The following MYO3B variants were observed in gnomAD, a reference collection of about 807,000 sequenced individuals.
MYO3B encodes myosin IIIB.
A neutral mutation model predicts 174.6 loss-of-function variants in MYO3B; 156 were observed. The ratio of observed to expected loss-of-function variants is 0.89; its 90% CI spans 0.78 to 1.02. The LOEUF (loss-of-function observed/expected upper bound fraction) is 1.02. MYO3B is among the 50% of genes least tolerant of loss of function. The pLI is 0.00. For missense variants in MYO3B, 1,632 were observed against 1,639.4 expected (o/e 1.00, Z 0.08); for synonymous variants, 563 against 569.1 (o/e 0.99, Z 0.15).
At chr2:170,291,348 T>C (rs539147262) in intron 7 of MYO3B, among the ~76,000 whole-genome samples, 2 of 152,216 alleles carry the variant, frequency 1.3e-5, no homozygotes, top group African/African-American at 2.4e-5. Context: ...TTTAGTTGTC[T>C]CAGTTTACAT....
chr2:170,390,243 A>G (rs2094402650), intron 14 of MYO3B, among the ~76,000 whole-genome samples: 1 of 152,200 alleles, frequency 6.6e-6, no homozygotes. Flanking sequence ...AGCCTGTGCA[A>G]CATAGTGAGA....
chr2:170,590,460 A>G (rs764697061), intron 32 of MYO3B, among the ~76,000 whole-genome samples: 5 of 152,048 alleles, frequency 3.3e-5, no homozygotes, highest in African/African-American at 4.8e-5. Flanking sequence ...CTACATTAAC[A>G]TATTTTTTTA....
At chr2:170,559,247 A>C (rs1185792399) in intron 32 of MYO3B, among the ~76,000 whole-genome samples, 4 of 152,202 alleles carry the variant, frequency 2.6e-5, no homozygotes, top group African/African-American at 9.6e-5. Context: ...GCTATTCTTA[A>C]GGGCTCATTG....
intron 7 of MYO3B, among the ~76,000 whole-genome samples, chr2:170,318,373 C>G (rs1033800578): frequency 2.6e-5 from 4 of 152,202 alleles, no homozygotes; most frequent in Non-Finnish European, 5.9e-5. Flanking sequence ...ATTCCACTGA[C>G]ACACTGATTT....
At chr2:170,298,238 T>A (rs1574739947) in intron 7 of MYO3B, among the ~76,000 whole-genome samples, 1 of 152,234 alleles carries the variant, frequency 6.6e-6, no homozygotes, top group Admixed American at 6.5e-5. Context: ...ATGGCAGGAA[T>A]GGGGAGGAGA....
chr2:170,327,716 A>T (rs1466225878), intron 7 of MYO3B, among the ~76,000 whole-genome samples: 1 of 152,002 alleles, frequency 6.6e-6, no homozygotes, highest in Non-Finnish European at 1.5e-5. Context: ...AACCTGGACG[A>T]ATCTTTCACA....
chr2:170,557,328 A>T (rs1290973643), intron 32 of MYO3B, among the ~76,000 whole-genome samples: 1 of 151,500 alleles, frequency 6.6e-6, no homozygotes, highest in African/African-American at 2.4e-5. Flanking sequence ...TTTAGTAGAG[A>T]TGGGGTTTCA....
At chr2:170,256,652 C>G (rs1272317853) in intron 7 of MYO3B, among the ~76,000 whole-genome samples, 2 of 152,098 alleles carry the variant, frequency 1.3e-5, no homozygotes, top group African/African-American at 4.8e-5. Flanking sequence ...CCCACAGACT[C>G]TATAAAGCAA....
At chr2:170,624,190 T>G (rs1170842478) in intron 32 of MYO3B, among the ~76,000 whole-genome samples, 2 of 152,236 alleles carry the variant, frequency 1.3e-5, no homozygotes. Flanking sequence ...CAATATTGAT[T>G]CTTCCTATCC....
At chr2:170,461,775 T>A (rs1375967347) in intron 23 of MYO3B, among the ~76,000 whole-genome samples, 1 of 144,872 alleles carries the variant, frequency 6.9e-6, no homozygotes, top group African/African-American at 2.5e-5. Context: ...AAACTCCGTT[T>A]AAAAAAAAAA....
intron 16 of MYO3B, among the ~76,000 whole-genome samples, chr2:170,396,915 C>T (rs1032366446): frequency 2.6e-5 from 4 of 152,038 alleles, no homozygotes; most frequent in African/African-American, 9.7e-5. Flanking sequence ...TTTCAGATAA[C>T]CTCGATATAG....
intron 8 of MYO3B, among the ~76,000 whole-genome samples, chr2:170,349,299 G>A (rs918741263): frequency 6.6e-6 from 1 of 152,080 alleles, no homozygotes; most frequent in Admixed American, 6.6e-5. Context: ...GGGGAGAGAG[G>A]GAGCATGTCA....
chr2:170,254,640 T>C (rs1328292908), intron 7 of MYO3B, among the ~76,000 whole-genome samples: 1 of 152,166 alleles, frequency 6.6e-6, no homozygotes. Context: ...CCACAGGCCT[T>C]GTCCCAACTT....
Position 170,466,630 on chromosome 2 carries a change from G to A in MYO3B, c.2933G>A (p.Arg978His), listed in dbSNP as rs754840127. Residue 978 changes from arginine (R) to histidine (H), a missense_variant, in exon 25 of 35, where the codon CGC becomes CAC. Transcript: ENST00000408978. ...FSRERVLAQL[R>H]STGILETVSI... ...CGAGAGAGGGTGCTGGCCCAGCTCCGCTCCACAGGGATTCTGGAGACAGTC... is the reference window on the plus strand; with the variant it reads ...CGAGAGAGGGTGCTGGCCCAGCTCCACTCCACAGGGATTCTGGAGACAGTC... 1.7e-5 allele frequency: 27 copies of A among 1,614,066 alleles called. No individual in the cohort carries two copies. In the Middle Eastern group the frequency reaches 4.9e-4, roughly 29 times the overall value.
intron 7 of MYO3B, among the ~76,000 whole-genome samples, chr2:170,316,842 C>A (rs933708173): frequency 6.6e-6 from 1 of 152,130 alleles, no homozygotes; most frequent in Non-Finnish European, 1.5e-5. Context: ...CATCTGTTTG[C>A]GAGAATGGTG....
intron 9 of MYO3B, among the ~76,000 whole-genome samples, chr2:170,371,246 AC>A: frequency 1.3e-5 from 2 of 148,824 alleles, no homozygotes; most frequent in South Asian, 4.3e-4. Flanking sequence ...AAAAACCAAA[AC>A]CTTTCTTCTT....
At chr2:170,627,349 C>T (rs972279132) in intron 32 of MYO3B, among the ~76,000 whole-genome samples, 4 of 152,222 alleles carry the variant, frequency 2.6e-5, no homozygotes, top group Admixed American at 6.6e-5. Context: ...GAATCGGCTA[C>T]TGAAGCTTGT....
intron 16 of MYO3B, among the ~76,000 whole-genome samples, chr2:170,394,846 A>C (rs1210757276): frequency 6.6e-6 from 1 of 152,226 alleles, no homozygotes; most frequent in Non-Finnish European, 1.5e-5. Context: ...GACTAAATTC[A>C]GAAAGATCCA....
chr2:170,381,842 A>G (rs1199889815), intron 9 of MYO3B, among the ~76,000 whole-genome samples, 174 bp from the exon 10 acceptor site: 1 of 152,238 alleles, frequency 6.6e-6, no homozygotes, highest in Non-Finnish European at 1.5e-5. Flanking sequence ...ACTTTATCCC[A>G]ATAGTTCTAC....
Sources: gnomAD v4.1 joint callset for allele counts (sites outside exome capture counted in the v4.1 genomes callset) on GRCh38, gnomAD v4.1.1 for gene constraint, MANE v1.5 for transcripts, NCBI Gene and HGNC (gene_info 2026-07-23, HGNC 2026-07-21) for gene names.